Variants in ACVR2A observed in about 807,000 individuals in gnomAD.
ACVR2A encodes activin receptor type-2A.
ACVR2A carries 7 observed loss-of-function variants against 61.4 expected under a neutral mutation model. The ratio of observed to expected loss-of-function variants is 0.11; its 90% CI spans 0.06 to 0.21. The LOEUF is 0.21. Among genes scored for constraint, ACVR2A ranks in the 10% least tolerant of loss-of-function variants. The pLI, the probability that ACVR2A is intolerant of heterozygous loss-of-function variation, is 1.00. For synonymous variants in ACVR2A, 193 were observed against 208.3 expected, an observed-to-expected ratio of 0.93 and a Z score of 0.63; for missense variants, 322 against 621.7, an observed-to-expected ratio of 0.52 and a Z score of 5.13.
intron 1 of ACVR2A, among the ~76,000 whole-genome samples, chr2:147,872,798 G>GGC (rs1686057293): frequency 6.6e-6 from 1 of 151,456 alleles, no homozygotes; most frequent in African/African-American, 2.4e-5. Flanking sequence ...TTTTTCCTTT[G>GGC]TTAGAGGTAG....
intron 1 of ACVR2A, among the ~76,000 whole-genome samples, chr2:147,852,238 G>T (rs1259573082): frequency 6.6e-6 from 1 of 151,990 alleles, no homozygotes; most frequent in Non-Finnish European, 1.5e-5. Flanking sequence ...AGTAGTAGGG[G>T]TGTATGTATA....
intron 1 of ACVR2A, among the ~76,000 whole-genome samples, chr2:147,881,487 T>G (rs1428354376): frequency 6.6e-6 from 1 of 152,026 alleles, no homozygotes; most frequent in African/African-American, 2.4e-5. Context: ...CTTGAATTTT[T>G]TTTTTCTTTC....
Position 147,923,050 on chromosome 2 carries a change from A to G in ACVR2A, c.1155A>G (p.Ile385Met), listed in dbSNP as rs1234738721. The G allele has an allele frequency of 6.2e-7, 1 of 1,613,498 alleles. No individual in the cohort carries two copies. ...INFQRDAFLR[I>M]DMYAMGLVLW... ...TCCAAAGGGATGCATTTTTGAGGAT[A>G]GATATGTATGCCATGGGATTAGTCC... is the stretch of plus-strand genomic sequence containing the variant. The change falls in exon 9 of 11, where the codon ATA (isoleucine) becomes ATG (methionine). Residue 385 changes from isoleucine (I) to methionine (M), a missense_variant. Physicochemically the swap from Ile to Met is conservative, Grantham distance 10. Transcript: ENST00000241416.
chr2:147,871,848 A>T (rs2105158656), intron 1 of ACVR2A, among the ~76,000 whole-genome samples: 1 of 152,140 alleles, frequency 6.6e-6, no homozygotes, highest in Middle Eastern at 3.4e-3. Flanking sequence ...ACATCTTGTT[A>T]ATTTTTCTGC....
intron 4 of ACVR2A, among the ~76,000 whole-genome samples, chr2:147,904,102 G>A (rs1368549848): frequency 6.6e-6 from 1 of 151,968 alleles, no homozygotes; most frequent in East Asian, 1.9e-4. Context: ...AGTTCTTTCT[G>A]TAATCACAGA....
At chr2:147,922,820 T>G (rs1483006115) in intron 8 of ACVR2A, among the ~76,000 whole-genome samples, 153 bp from the exon 9 acceptor site, 1 of 152,138 alleles carries the variant, frequency 6.6e-6, no homozygotes, top group South Asian at 2.1e-4. Context: ...ATTTTTTAAG[T>G]ATACGCAGAA....
intron 4 of ACVR2A, among the ~76,000 whole-genome samples, chr2:147,905,745 CA>C (rs1017478179): frequency 2.0e-5 from 3 of 151,192 alleles, no homozygotes; most frequent in Non-Finnish European, 4.4e-5. Flanking sequence ...TGCAGGTTGA[CA>C]AAAAAAATTA....
At chr2:147,892,198 C>T (rs1686604317) in intron 1 of ACVR2A, among the ~76,000 whole-genome samples, 1 of 152,036 alleles carries the variant, frequency 6.6e-6, no homozygotes, top group Non-Finnish European at 1.5e-5. Context: ...TCTCAAACTC[C>T]TGACCTCATG....
At chr2:147,924,311 T>G (rs1469513612) in intron 9 of ACVR2A, among the ~76,000 whole-genome samples, 1 of 152,044 alleles carries the variant, frequency 6.6e-6, no homozygotes, top group Non-Finnish European at 1.5e-5. Flanking sequence ...ACACAAGACC[T>G]TATTCTCAAG....
chr2:147,845,842 G>A (rs988244228), intron 1 of ACVR2A, among the ~76,000 whole-genome samples: 1 of 152,198 alleles, frequency 6.6e-6, no homozygotes, highest in African/African-American at 2.4e-5. Context: ...TATTGGTAAT[G>A]TGCTGGCGTT....
At chr2:147,922,692 T>C (rs925238734) in intron 8 of ACVR2A, among the ~76,000 whole-genome samples, 3 of 152,130 alleles carry the variant, frequency 2.0e-5, no homozygotes, top group Non-Finnish European at 2.9e-5. Flanking sequence ...AAAGGTACAG[T>C]TGAAAAGTAT....
At position 147,929,965 on chromosome 2, in the gene ACVR2A, G is replaced by C. The variant is rs766815671; in HGVS notation, c.*2691G>C. 3 of 152,480 alleles carry C rather than the reference G, an allele frequency of 2.0e-5. No homozygotes were observed. The highest frequency in any genetic ancestry group is 2.9e-5 in the Non-Finnish European group (2 of 67,988). 9.4% of individuals were successfully genotyped at this position (152,480 alleles called of 1,614,324 possible). ...TGCCATAGGACTGATGGATTAACCA[G>C]TGTTCGGCTTTATTTGAAGTCTATG... is the stretch of plus-strand genomic sequence containing the variant. On this transcript the variant is annotated 3_prime_UTR_variant, in exon 11 of 11. Coordinates refer to ENST00000241416, the MANE Select transcript of ACVR2A (RefSeq NM_001616.5).
At chr2:147,927,004 T>C in intron 10 of ACVR2A, 76 bp from the exon 11 acceptor site, 1 of 1,406,774 alleles carries the variant, frequency 7.1e-7, no homozygotes, top group Non-Finnish European at 9.7e-7. Flanking sequence ...AGCCATTTCT[T>C]CATGAAAATT....
intron 2 of ACVR2A, among the ~76,000 whole-genome samples, chr2:147,898,828 GTGTT>G (rs1303723536): frequency 1.3e-5 from 2 of 151,824 alleles, no homozygotes; most frequent in Non-Finnish European, 2.9e-5. Context: ...TATTGTTTAC[GTGTT>G]TGTTTTCTAC....
At chr2:147,903,182 CA>C (rs1260727366) in intron 4 of ACVR2A, among the ~76,000 whole-genome samples, 1 of 150,774 alleles carries the variant, frequency 6.6e-6, no homozygotes, top group Non-Finnish European at 1.5e-5. Context: ...TCCTAGTAAC[CA>C]ATACAAATAC....
At chr2:147,918,422 TTTC>T in intron 6 of ACVR2A, 22 bp from the exon 7 acceptor site, 1 of 1,592,486 alleles carries the variant, frequency 6.3e-7, no homozygotes, top group Non-Finnish European at 8.5e-7. Flanking sequence ...AGAACATAAG[TTTC>T]TTTTTTTCCC....
At chr2:147,888,135 G>A (rs1686488533) in intron 1 of ACVR2A, among the ~76,000 whole-genome samples, 1 of 152,150 alleles carries the variant, frequency 6.6e-6, no homozygotes, top group Non-Finnish European at 1.5e-5. Context: ...GTGTTTGTAT[G>A]TAGATCTCTT....
At chr2:147,898,249 G>A (rs1686789415) in intron 2 of ACVR2A, 1 of 152,026 alleles carries the variant, frequency 6.6e-6, no homozygotes, top group Non-Finnish European at 1.5e-5. Flanking sequence ...AGGATAGTAA[G>A]AGAAGTAAGA....
chr2:147,886,038 C>A (rs896561059), intron 1 of ACVR2A, among the ~76,000 whole-genome samples: 4 of 151,982 alleles, frequency 2.6e-5, no homozygotes, highest in Non-Finnish European at 5.9e-5. Context: ...ATAATACCTA[C>A]TGAACTAATA....
Sources: gnomAD v4.1 joint callset for allele counts (sites outside exome capture counted in the v4.1 genomes callset) on GRCh38, gnomAD v4.1.1 for gene constraint, MANE v1.5 for transcripts, NCBI Gene and HGNC (gene_info 2026-07-23, HGNC 2026-07-21) for gene names.